Variants in RYR2 observed in about 807,000 individuals in gnomAD.
RYR2 encodes the protein ryanodine receptor 2.
Under a neutral mutation model 601.1 loss-of-function variants are expected in RYR2, and 227 were observed. That is an observed-to-expected ratio of 0.38 (90% confidence interval 0.34 to 0.42). The LOEUF (loss-of-function observed/expected upper bound fraction) is 0.42. Ranked by LOEUF, RYR2 falls within the 10% of genes least tolerant of loss-of-function variation. RYR2 has a pLI of 1.00. For missense variants in RYR2, 4,646 were observed against 6,156.5 expected, an observed-to-expected ratio of 0.75 and a Z score of 8.21; for synonymous variants, 2,223 against 2,175.1, an observed-to-expected ratio of 1.02 and a Z score of -0.61.
chr1:237,059,677 A>T (rs529816561), intron 1 of RYR2, among the ~76,000 whole-genome samples: 1 of 152,246 alleles, frequency 6.6e-6, no homozygotes, highest in Non-Finnish European at 1.5e-5. Context: ...CCATGTATTT[A>T]TTTGGGGATT....
At chr1:237,323,575 A>G (rs1173276972) in intron 2 of RYR2, among the ~76,000 whole-genome samples, 1 of 152,236 alleles carries the variant, frequency 6.6e-6, no homozygotes, top group Non-Finnish European at 1.5e-5. Context: ...TCTACTTAAT[A>G]TTAAAGGATG....
chr1:237,191,013 C>G (rs1353440108), intron 1 of RYR2, among the ~76,000 whole-genome samples: 1 of 152,100 alleles, frequency 6.6e-6, no homozygotes, highest in East Asian at 1.9e-4. Flanking sequence ...GAAGCTTTCC[C>G]CCTGTTTTCT....
intron 3 of RYR2, among the ~76,000 whole-genome samples, chr1:237,355,490 T>C (rs1234124495): frequency 6.6e-6 from 1 of 152,170 alleles, no homozygotes. Context: ...TGCCTTTATA[T>C]TGTGAAATTG....
At chr1:237,809,168 T>A in intron 100 of RYR2, 133 bp downstream of exon 100, 1 of 832,832 alleles carries the variant, frequency 1.2e-6, no homozygotes, top group Non-Finnish European at 1.9e-6. Flanking sequence ...CAGGGCTGTT[T>A]AAAGATTCAG....
intron 104 of RYR2, 105 bp from the exon 105 acceptor site, chr1:237,832,447 C>T (rs1574133632): frequency 5.0e-6 from 3 of 595,270 alleles, no homozygotes; most frequent in Non-Finnish European, 3.0e-6. Flanking sequence ...TTAATGTGGA[C>T]TTCTCTATTC....
chr1:237,807,340 G>T (rs1245674471), intron 99 of RYR2, among the ~76,000 whole-genome samples: 1 of 151,884 alleles, frequency 6.6e-6, no homozygotes, highest in Non-Finnish European at 1.5e-5. Context: ...CTTTTTGAGG[G>T]ATCAAATTTT....
rs2148574631 is a variant in RYR2 at position 237,610,997 on chromosome 1, C to T, written c.4910+9C>T. The T allele has an allele frequency of 1.9e-6, 3 of 1,605,354 alleles. No individual in the cohort carries two copies. Among genetic ancestry groups the T allele is most frequent in the Non-Finnish European group, 2.6e-6 (3 of 1,175,298 alleles). The stretch of plus-strand genomic sequence containing the variant: ...ATCCCTGAGGAAAACAGGTCAGCCC[C>T]AGTGAATCCCTGACATTCTGATTGG... On this transcript the variant is annotated intron_variant, in intron 36 of 104. Coordinates refer to ENST00000366574, the MANE Select transcript of RYR2 (RefSeq NM_001035.3). This position sits in a 1 kb window ranked among gnomAD's most constrained non-coding sequence, Gnocchi z 4.9.
At chr1:237,618,319 T>C (rs1490444293) in intron 38 of RYR2, among the ~76,000 whole-genome samples, 1 of 152,170 alleles carries the variant, frequency 6.6e-6, no homozygotes, top group African/African-American at 2.4e-5. Flanking sequence ...AAACTACTGT[T>C]GGGAAACTTC....
chr1:237,775,636 TA>T (rs1479107591), intron 87 of RYR2, among the ~76,000 whole-genome samples: 1 of 152,208 alleles, frequency 6.6e-6, no homozygotes, highest in East Asian at 1.9e-4. Context: ...GAATTACCTA[TA>T]AGATTGTAAT....
intron 2 of RYR2, among the ~76,000 whole-genome samples, chr1:237,278,081 G>GT (rs1196710598): frequency 6.6e-6 from 1 of 151,176 alleles, no homozygotes; most frequent in Non-Finnish European, 1.5e-5. Flanking sequence ...TTGTTGTTTT[G>GT]TTTTTTTGAG....
At chr1:237,770,114 C>T (rs900534036) in intron 84 of RYR2, among the ~76,000 whole-genome samples, 2 of 152,114 alleles carry the variant, frequency 1.3e-5, no homozygotes, top group Non-Finnish European at 2.9e-5. Context: ...TTTTAGCTCT[C>T]ACAACACGAG....
intron 92 of RYR2, among the ~76,000 whole-genome samples, chr1:237,788,719 TAC>T (rs1411071079): frequency 6.6e-6 from 1 of 152,204 alleles, no homozygotes; most frequent in Non-Finnish European, 1.5e-5. Flanking sequence ...AGAGAGGGAT[TAC>T]AGTTCTTTAT....
At chr1:237,353,731 A>G (rs1425827976) in intron 3 of RYR2, among the ~76,000 whole-genome samples, 3 of 152,042 alleles carry the variant, frequency 2.0e-5, no homozygotes, top group African/African-American at 7.2e-5. Flanking sequence ...ATTAGTGTTA[A>G]TATGATAGAT....
intron 1 of RYR2, among the ~76,000 whole-genome samples, chr1:237,123,439 T>C (rs1375162041): frequency 6.6e-6 from 1 of 151,452 alleles, no homozygotes; most frequent in East Asian, 1.9e-4. Context: ...AATAGGAAAA[T>C]TAGCTAGATG....
At chr1:237,632,949 A>G (rs1680505916) in intron 42 of RYR2, among the ~76,000 whole-genome samples, 1 of 152,078 alleles carries the variant, frequency 6.6e-6, no homozygotes, top group Admixed American at 6.6e-5. Context: ...TTACAGAAGA[A>G]CTCCAGAGAG....
chr1:237,784,285 C>A lies in RYR2; in HGVS notation c.12573C>A (p.Asn4191Lys). 6.2e-7 allele frequency: 1 copy of A among 1,613,888 alleles called. No homozygotes were observed. The highest frequency in any genetic ancestry group is 8.5e-7 in the Non-Finnish European group (1 of 1,179,884). Residue 4191 changes from asparagine (N) to lysine (K), a missense_variant, in exon 90 of 105, where the codon AAC becomes AAA. Around this residue, in one of 17 missense-constraint regions of RYR2, gnomAD observed 70 missense variants for 164.6 expected, o/e 0.43. Coordinates refer to ENST00000366574, the MANE Select transcript of RYR2 (RefSeq NM_001035.3). The surrounding 1 kb of genome is among the most constrained non-coding windows in gnomAD (Gnocchi z 7.1). ...GEKEKMELFV[N>K]FCEDTIFEMQ... ...AAGAGAAGATGGAACTCTTTGTGAACTTCTGCGAGGACACCATCTTTGAAA... is the reference window on the plus strand; with the variant it reads ...AAGAGAAGATGGAACTCTTTGTGAAATTCTGCGAGGACACCATCTTTGAAA...
At chr1:237,436,454 C>A (rs369459685) in intron 12 of RYR2, among the ~76,000 whole-genome samples, 217 of 48,682 alleles carry the variant, frequency 4.5e-3, no homozygotes, top group Non-Finnish European at 6.3e-3. Context: ...TGTGATTTTC[C>A]TTTTTTTTTT....
At chr1:237,588,093 A>C (rs1179264197) in intron 29 of RYR2, among the ~76,000 whole-genome samples, 1 of 152,108 alleles carries the variant, frequency 6.6e-6, no homozygotes, top group Non-Finnish European at 1.5e-5. Context: ...ACTTTTCTTG[A>C]CTATAGCTTT....
chr1:237,607,868 G>A (rs1445713784), intron 35 of RYR2, among the ~76,000 whole-genome samples: 1 of 152,128 alleles, frequency 6.6e-6, no homozygotes, highest in Non-Finnish European at 1.5e-5. Context: ...TTTGAGCTCA[G>A]TTTCTGCATC....
Sources: gnomAD v4.1 joint callset for allele counts (sites outside exome capture counted in the v4.1 genomes callset) on GRCh38, gnomAD v4.1.1 for gene constraint, gnomAD v4.1.1 regional missense constraint, Gnocchi (gnomAD v3.1) non-coding constraint, MANE v1.5 for transcripts, NCBI Gene and HGNC (gene_info 2026-07-23, HGNC 2026-07-21) for gene names.